Variants in MIR2052HG observed in about 807,000 individuals in gnomAD.
The protein encoded by MIR2052HG is MIR2052 host gene.
chr8:74,648,029 C>T (rs1454855151), intron 2 of MIR2052HG, among the ~76,000 whole-genome samples: 3 of 152,114 alleles, frequency 2.0e-5, no homozygotes, highest in African/African-American at 4.8e-5. Context: ...TAAAAAAGAA[C>T]AGAATAACAA....
At chr8:74,638,313 C>T (rs2128735034) in intron 2 of MIR2052HG, among the ~76,000 whole-genome samples, 1 of 152,134 alleles carries the variant, frequency 6.6e-6, no homozygotes, top group Middle Eastern at 3.4e-3. Context: ...CTAGAAGGGG[C>T]CAGTTGCAGA....
chr8:74,621,749 G>A (rs1016166721), intron 2 of MIR2052HG, among the ~76,000 whole-genome samples: 2 of 152,210 alleles, frequency 1.3e-5, no homozygotes, highest in African/African-American at 4.8e-5. Flanking sequence ...CACCGGAACA[G>A]AATGGAGAGC....
At chr8:74,716,311 A>G (rs73687256) in intron 4 of MIR2052HG, among the ~76,000 whole-genome samples, 1,602 of 152,296 alleles carry the variant, frequency 0.011, 32 homozygotes, top group African/African-American at 0.036. Context: ...TGCATCTGCT[A>G]CAATTGGTTA....
At chr8:74,609,626 A>C (rs1424340934) in intron 1 of MIR2052HG, 2 of 151,520 alleles carry the variant, frequency 1.3e-5, no homozygotes, top group Non-Finnish European at 3.0e-5. Flanking sequence ...CCAAGAATGC[A>C]AAATGAGTTT....
chr8:74,632,836 C>T (rs528595926), intron 2 of MIR2052HG, among the ~76,000 whole-genome samples: 24 of 152,098 alleles, frequency 1.6e-4, no homozygotes, highest in South Asian at 8.3e-4. Flanking sequence ...TCGTGTTGAT[C>T]GGACCCCTAC....
chr8:74,628,177 G>T (rs1202823738), intron 2 of MIR2052HG, among the ~76,000 whole-genome samples: 1 of 152,138 alleles, frequency 6.6e-6, no homozygotes, highest in African/African-American at 2.4e-5. Flanking sequence ...TATGGCCTTG[G>T]GGATTGGTGA....
chr8:74,704,490 C>A (rs1809389008), intron 4 of MIR2052HG, among the ~76,000 whole-genome samples: 1 of 152,030 alleles, frequency 6.6e-6, no homozygotes, highest in Admixed American at 6.6e-5. Flanking sequence ...CCAGCAATTT[C>A]TTTTTCATAT....
At chr8:74,727,469 G>T (rs1041296176) in intron 4 of MIR2052HG, among the ~76,000 whole-genome samples, 4 of 152,010 alleles carry the variant, frequency 2.6e-5, no homozygotes, top group Non-Finnish European at 5.9e-5. Context: ...TACTGAATAA[G>T]GTTACATTCT....
intron 2 of MIR2052HG, among the ~76,000 whole-genome samples, chr8:74,615,946 A>AT (rs567614011): frequency 1.3e-5 from 2 of 151,900 alleles, no homozygotes; most frequent in Non-Finnish European, 2.9e-5. Flanking sequence ...TGAACTCATC[A>AT]TTTTTTTATG....
chr8:74,607,665 G>A (rs144755575), intron 1 of MIR2052HG, among the ~76,000 whole-genome samples: 2 of 152,036 alleles, frequency 1.3e-5, no homozygotes, highest in African/African-American at 2.4e-5. Context: ...GGAGAAATAG[G>A]CAAATCTACC....
At chr8:74,637,897 G>A (rs1227950361) in intron 2 of MIR2052HG, among the ~76,000 whole-genome samples, 1 of 152,140 alleles carries the variant, frequency 6.6e-6, no homozygotes, top group East Asian at 1.9e-4. Context: ...TTCATGGAAT[G>A]CCTTCTATGT....
At chr8:74,676,063 G>A (rs1051822794) in intron 2 of MIR2052HG, among the ~76,000 whole-genome samples, 1 of 151,988 alleles carries the variant, frequency 6.6e-6, no homozygotes, top group Non-Finnish European at 1.5e-5. Flanking sequence ...ATGGAATAAT[G>A]TCTTCAATAT....
chr8:74,602,876 T>TCTTTTCTTTCTTTCTTTC (rs1554570015), intron 1 of MIR2052HG, among the ~76,000 whole-genome samples: 45 of 137,108 alleles, frequency 3.3e-4, no homozygotes, highest in Non-Finnish European at 4.7e-4. Context: ...TTTCTTTCTT[T>TCTTTTCTTTCTTTCTTTC]TTTCTATTCA....
intron 2 of MIR2052HG, chr8:74,615,139 G>A (rs1042997099): frequency 6.6e-6 from 1 of 152,168 alleles, no homozygotes; most frequent in African/African-American, 2.4e-5. Flanking sequence ...AGAGAAGAGA[G>A]GTAAGGAAGC....
intron 4 of MIR2052HG, among the ~76,000 whole-genome samples, chr8:74,740,899 A>G (rs1809821155): frequency 6.6e-6 from 1 of 152,224 alleles, no homozygotes; most frequent in Non-Finnish European, 1.5e-5. Context: ...CTGGGTTATG[A>G]TAGTTCCAGA....
chr8:74,600,081 T>A (rs1057260469), intron 1 of MIR2052HG, among the ~76,000 whole-genome samples: 3 of 152,176 alleles, frequency 2.0e-5, no homozygotes, highest in African/African-American at 7.2e-5. Context: ...TCGCCGTGCT[T>A]CGGCTGGTGC....
At chr8:74,756,944 C>T (rs1810011510) in intron 5 of MIR2052HG, 1 of 152,166 alleles carries the variant, frequency 6.6e-6, no homozygotes. Context: ...ATGAAATAGA[C>T]TAGGGACTGG....
chr8:74,607,610 C>T (rs573119867), intron 1 of MIR2052HG, among the ~76,000 whole-genome samples: 17 of 151,984 alleles, frequency 1.1e-4, no homozygotes, highest in Admixed American at 7.9e-4. Context: ...CAAACTCCAT[C>T]TAAAAAAATA....
At chr8:74,754,523 T>A (rs947720413) in intron 5 of MIR2052HG, among the ~76,000 whole-genome samples, 5 of 151,892 alleles carry the variant, frequency 3.3e-5, no homozygotes, top group Non-Finnish European at 7.4e-5. Flanking sequence ...AATTTAGGGA[T>A]CATTATGAGA....
Sources: gnomAD v4.1 joint callset for allele counts (sites outside exome capture counted in the v4.1 genomes callset) on GRCh38, gnomAD v4.1.1 for gene constraint, MANE v1.5 for transcripts, NCBI Gene and HGNC (gene_info 2026-07-23, HGNC 2026-07-21) for gene names.